DPP10: variants seen among roughly 807,000 people sequenced by gnomAD.
The protein encoded by DPP10 is dipeptidyl peptidase like 10.
DPP10 carries 33 observed loss-of-function variants against 120.9 expected under a neutral mutation model. The ratio of observed to expected loss-of-function variants is 0.27; its 90% CI spans 0.21 to 0.37. The LOEUF is 0.37. Ranked by LOEUF, DPP10 falls within the 10% of genes least tolerant of loss-of-function variation. DPP10 has a pLI of 1.00. For missense variants in DPP10, 816 were observed against 942.8 expected, an observed-to-expected ratio of 0.87 and a Z score of 1.76; for synonymous variants, 337 against 326.1, an observed-to-expected ratio of 1.03 and a Z score of -0.36.
intron 1 of DPP10, among the ~76,000 whole-genome samples, chr2:115,062,130 G>C (rs868534408): frequency 2.1e-3 from 23 of 10,792 alleles, no homozygotes; most frequent in Admixed American, 0.011. Flanking sequence ...TTACAGTTCT[G>C]TGTGTGTGTG....
chr2:115,230,943 A>G (rs923543055), intron 1 of DPP10, among the ~76,000 whole-genome samples: 4 of 152,054 alleles, frequency 2.6e-5, no homozygotes, highest in Non-Finnish European at 5.9e-5. Context: ...AAATTAGCTA[A>G]TTTAGTTAAG....
intron 4 of DPP10, among the ~76,000 whole-genome samples, chr2:115,525,186 A>G (rs761138182): frequency 8.5e-5 from 13 of 152,080 alleles, no homozygotes; most frequent in Non-Finnish European, 1.9e-4. Context: ...TCACACATCA[A>G]CTCAATGTGC....
At chr2:115,447,942 A>T (rs750711752) in intron 3 of DPP10, among the ~76,000 whole-genome samples, 1 of 152,238 alleles carries the variant, frequency 6.6e-6, no homozygotes, top group Non-Finnish European at 1.5e-5. Flanking sequence ...TAGGATGATG[A>T]TGATAATAAA....
intron 1 of DPP10, among the ~76,000 whole-genome samples, chr2:114,705,617 T>C (rs1700640311): frequency 6.6e-6 from 1 of 151,958 alleles, no homozygotes; most frequent in South Asian, 2.1e-4. Flanking sequence ...GTCAAATTGG[T>C]TGGAAAAAAA....
At chr2:115,433,149 T>G (rs2030440) in intron 3 of DPP10, among the ~76,000 whole-genome samples, 1 of 151,848 alleles carries the variant, frequency 6.6e-6, no homozygotes, top group Admixed American at 6.6e-5. Flanking sequence ...CTGTGTATTT[T>G]TTTTATTAGT....
intron 1 of DPP10, among the ~76,000 whole-genome samples, chr2:114,849,523 A>G (rs1688787906): frequency 6.6e-6 from 1 of 151,958 alleles, no homozygotes; most frequent in Non-Finnish European, 1.5e-5. Flanking sequence ...TTTTTAGTAG[A>G]GATAAGGTTT....
chr2:115,273,485 C>T lies in DPP10; in HGVS notation c.61-35754C>T, dbSNP rs572881058. On this transcript the variant is annotated intron_variant, in intron 1 of 25. Transcript: ENST00000410059. ...CCGAGTAGCTGGGACTACAGGCGCC[C>T]GCCACCATGCCTGGCTAATTTTTTG... is the stretch of plus-strand genomic sequence containing the variant. Among the ~76,000 whole-genome samples, 36 of 152,134 alleles carry T rather than the reference C, an allele frequency of 2.4e-4. No individual in the cohort carries two copies. In the South Asian group the frequency reaches 4.8e-3, roughly 20 times the overall value.
At chr2:114,901,390 G>A (rs774660230) in intron 1 of DPP10, among the ~76,000 whole-genome samples, 3 of 152,084 alleles carry the variant, frequency 2.0e-5, no homozygotes, top group African/African-American at 7.2e-5. Flanking sequence ...TAGAGATGGG[G>A]TTTCACCTTG....
chr2:114,953,897 G>A (rs1370226512), intron 1 of DPP10, among the ~76,000 whole-genome samples: 1 of 151,860 alleles, frequency 6.6e-6, no homozygotes, highest in Non-Finnish European at 1.5e-5. Flanking sequence ...AGCAACAATT[G>A]CTTCAAATTT....
intron 3 of DPP10, among the ~76,000 whole-genome samples, chr2:115,493,830 C>G (rs2076253927): frequency 1.3e-5 from 2 of 152,038 alleles, no homozygotes; most frequent in African/African-American, 4.8e-5. Flanking sequence ...CAGAGAATAG[C>G]TTGTATGGCT....
chr2:114,859,737 C>A (rs760938148), intron 1 of DPP10, among the ~76,000 whole-genome samples: 10 of 152,154 alleles, frequency 6.6e-5, no homozygotes, highest in Non-Finnish European at 1.5e-4. Flanking sequence ...GGATCTTTTT[C>A]CTCCCCAGTG....
chr2:115,681,754 C>T (rs2090670743), intron 5 of DPP10, among the ~76,000 whole-genome samples: 1 of 147,886 alleles, frequency 6.8e-6, no homozygotes, highest in African/African-American at 2.5e-5. Context: ...CTCTCTCTCT[C>T]TTTCTCTTTC....
At chr2:114,543,912 GT>G (rs909025883) in intron 1 of DPP10, among the ~76,000 whole-genome samples, 119 of 150,782 alleles carry the variant, frequency 7.9e-4, no homozygotes, top group African/African-American at 2.8e-3. Flanking sequence ...TTGTTTGTTT[GT>G]TTAGCCTCAT....
intron 19 of DPP10, among the ~76,000 whole-genome samples, chr2:115,801,515 T>G (rs60107655): frequency 0.052 from 7,900 of 152,188 alleles, 871 homozygotes; most frequent in East Asian, 0.51. Context: ...TTGTGCCAGT[T>G]TTCAAAGGGA....
intron 17 of DPP10, among the ~76,000 whole-genome samples, chr2:115,786,960 A>C (rs1683412040): frequency 6.6e-6 from 1 of 152,162 alleles, no homozygotes; most frequent in Non-Finnish European, 1.5e-5. Context: ...GAGCTCACAG[A>C]GTGGTGGGAT....
intron 12 of DPP10, among the ~76,000 whole-genome samples, chr2:115,766,326 GTATATA>G (rs1553502949): frequency 2.0e-4 from 10 of 50,310 alleles, no homozygotes; most frequent in Admixed American, 1.4e-3. Flanking sequence ...ATATATATAT[GTATATA>G]TATATGTATA....
At chr2:115,291,994 A>G (rs1174947418) in intron 1 of DPP10, among the ~76,000 whole-genome samples, 1 of 152,188 alleles carries the variant, frequency 6.6e-6, no homozygotes. Context: ...GCATTCATTC[A>G]GGTCAAACAT....
intron 1 of DPP10, among the ~76,000 whole-genome samples, chr2:115,088,973 T>TTA (rs1391772322): frequency 4.6e-5 from 7 of 152,162 alleles, no homozygotes; most frequent in South Asian, 2.1e-4. Flanking sequence ...TCCACAACCT[T>TTA]TATTGCCATC....
At chr2:114,676,237 A>G (rs1190458801) in intron 1 of DPP10, among the ~76,000 whole-genome samples, 1 of 152,204 alleles carries the variant, frequency 6.6e-6, no homozygotes, top group East Asian at 1.9e-4. Flanking sequence ...GCAGATAAAA[A>G]GTAGTAGAAA....
Sources: allele counts gnomAD v4.1 joint callset (sites outside exome capture counted in the v4.1 genomes callset), GRCh38; gene constraint gnomAD v4.1.1; transcripts MANE v1.5; gene names NCBI Gene and HGNC (gene_info 2026-07-23, HGNC 2026-07-21).